The following CYRIB variants were observed in gnomAD, a reference collection of about 807,000 sequenced individuals.
CYRIB encodes the protein CYFIP-related Rac1 interactor B.
Under a neutral mutation model 44.2 loss-of-function variants are expected in CYRIB, and 8 were observed. The observed-to-expected ratio is 0.18, with a 90% CI of 0.11 to 0.33. The LOEUF (loss-of-function observed/expected upper bound fraction) is 0.33, where lower values mean the gene tolerates loss of function less well. Among genes scored for constraint, CYRIB ranks in the 10% least tolerant of loss-of-function variants. The pLI, the probability that CYRIB is intolerant of heterozygous loss-of-function variation, is 1.00. For missense variants in CYRIB, 185 were observed against 382.8 expected (o/e 0.48, Z 4.31); for synonymous variants, 131 against 127.2 (o/e 1.03, Z -0.20).
chr8:129,850,989 G>A (rs1278533627), intron 8 of CYRIB, 75 bp from the exon 11 acceptor site: 57 of 985,008 alleles, frequency 5.8e-5, no homozygotes, highest in Middle Eastern at 2.8e-4. Flanking sequence ...AAAATTTAGC[G>A]TAATATGAAA....
intron 7 of CYRIB, among the ~76,000 whole-genome samples, chr8:129,853,991 T>C (rs1476574561): frequency 1.3e-5 from 2 of 152,158 alleles, no homozygotes; most frequent in Admixed American, 6.5e-5. Context: ...ACAGTTAAAA[T>C]GAGAGTACAT....
chr8:130,006,425 G>A (rs928535099), intron 1 of CYRIB, among the ~76,000 whole-genome samples: 11 of 148,606 alleles, frequency 7.4e-5, no homozygotes, highest in African/African-American at 2.7e-4. Context: ...AGTCCAGCTT[G>A]AGCAACGTAG....
intron 2 of CYRIB, among the ~76,000 whole-genome samples, chr8:129,889,242 T>C (rs2064078214): frequency 6.6e-6 from 1 of 152,152 alleles, no homozygotes. Flanking sequence ...TTGAGCCCTA[T>C]TCCTCAGAAA....
At chr8:129,945,562 G>A (rs540963673) in intron 2 of CYRIB, among the ~76,000 whole-genome samples, 20 of 151,712 alleles carry the variant, frequency 1.3e-4, no homozygotes, top group African/African-American at 4.6e-4. Context: ...TCTTTTTTTT[G>A]TATTTTTATT....
intron 1 of CYRIB, among the ~76,000 whole-genome samples, chr8:130,011,917 C>T (rs1402911893): frequency 6.6e-6 from 1 of 152,056 alleles, no homozygotes; most frequent in Middle Eastern, 3.2e-3. Context: ...TGCCCACTCA[C>T]CCACACGGAT....
At chr8:129,869,255 G>A (rs1381449720) in intron 4 of CYRIB, among the ~76,000 whole-genome samples, 1 of 150,606 alleles carries the variant, frequency 6.6e-6, no homozygotes, top group African/African-American at 2.4e-5. Context: ...GCATGGTGGT[G>A]CATGCCTGTA....
chr8:129,921,467 G>A (rs992501909), intron 1 of CYRIB, among the ~76,000 whole-genome samples: 7 of 152,128 alleles, frequency 4.6e-5, no homozygotes, highest in Admixed American at 6.6e-5. Flanking sequence ...TCACCAAACC[G>A]AGACCTTTTA....
rs2096841561 is a variant in CYRIB at position 129,998,820 on chromosome 8, C to CG, written c.-296+17549dup. Among the ~76,000 whole-genome samples the CG allele has an allele frequency of 3.9e-5, 6 of 152,146 alleles. No individual in the cohort carries two copies. The South Asian group carries it at 1.2e-3, about 32-fold the overall frequency. ...CTAATTTTTGGATTTTTAGTAGAGA[C>CG]GGGGTTTCACCATGTTGGCCAAGGT... is the stretch of plus-strand genomic sequence containing the variant. On this transcript the variant is annotated intron_variant, in intron 1 of 14. Transcript: ENST00000401979.
At chr8:129,965,712 C>T in intron 2 of CYRIB, among the ~76,000 whole-genome samples, 1 of 151,676 alleles carries the variant, frequency 6.6e-6, no homozygotes, top group Non-Finnish European at 1.5e-5. Flanking sequence ...AGGAGAATGG[C>T]ATGAACCCAG....
chr8:129,999,624 C>A (rs1440801761), intron 1 of CYRIB, among the ~76,000 whole-genome samples: 1 of 152,122 alleles, frequency 6.6e-6, no homozygotes, highest in Admixed American at 6.6e-5. Context: ...AGGTTTTGTG[C>A]TTTTGTATTT....
chr8:130,011,239 G>A (rs535265728), intron 1 of CYRIB, among the ~76,000 whole-genome samples: 45 of 152,262 alleles, frequency 3.0e-4, no homozygotes, highest in African/African-American at 1.1e-3. Context: ...ACGCTGAGGC[G>A]GCCAGGCGTA....
chr8:129,953,375 T>G (rs2094602372), intron 2 of CYRIB, among the ~76,000 whole-genome samples: 1 of 152,220 alleles, frequency 6.6e-6, no homozygotes. Flanking sequence ...GGTCCCAACT[T>G]GTACTTGAGA....
At chr8:129,923,571 G>A (rs536742800) in intron 1 of CYRIB, among the ~76,000 whole-genome samples, 8 of 151,938 alleles carry the variant, frequency 5.3e-5, no homozygotes, top group South Asian at 2.1e-4. Flanking sequence ...CACTGCACCC[G>A]GCCAAGTCAA....
At chr8:129,997,117 G>A (rs2096790737) in intron 1 of CYRIB, among the ~76,000 whole-genome samples, 1 of 88,058 alleles carries the variant, frequency 1.1e-5, no homozygotes, top group South Asian at 4.0e-4. Context: ...AAGGAAGGAA[G>A]GAAGGAGGAG....
chr8:129,938,507 T>C (rs1334736650), intron 1 of CYRIB, among the ~76,000 whole-genome samples: 2 of 152,178 alleles, frequency 1.3e-5, no homozygotes, highest in African/African-American at 2.4e-5. Context: ...TACACAGAAG[T>C]AGCAAAAAAC....
intron 1 of CYRIB, among the ~76,000 whole-genome samples, chr8:129,924,332 C>A (rs1446716983): frequency 7.8e-6 from 1 of 128,552 alleles, no homozygotes; most frequent in Non-Finnish European, 1.6e-5. Flanking sequence ...ACTTACCTCA[C>A]ATCAGTGCTA....
At chr8:129,846,942 G>C (rs1025238452) in intron 10 of CYRIB, 68 bp from the exon 13 acceptor site, 31 of 872,116 alleles carry the variant, frequency 3.6e-5, no homozygotes, top group Non-Finnish European at 5.5e-5. Flanking sequence ...TTTCAAAATA[G>C]TAAAATAAAT....
intron 1 of CYRIB, among the ~76,000 whole-genome samples, chr8:129,925,226 C>T (rs188629914): frequency 2.8e-4 from 43 of 152,050 alleles, no homozygotes; most frequent in African/African-American, 8.9e-4. Context: ...GGTGAAACCC[C>T]GCCTCTACTA....
intron 1 of CYRIB, among the ~76,000 whole-genome samples, chr8:129,925,139 T>C (rs557551341): frequency 2.8e-4 from 42 of 152,170 alleles, no homozygotes; most frequent in Non-Finnish European, 5.1e-4. Context: ...GGCTCATAGC[T>C]GTAATCCCAG....
Sources: allele counts gnomAD v4.1 joint callset (sites outside exome capture counted in the v4.1 genomes callset), GRCh38; gene constraint gnomAD v4.1.1; transcripts MANE v1.5; gene names NCBI Gene and HGNC (gene_info 2026-07-23, HGNC 2026-07-21).